MYO18B: variants seen among roughly 807,000 people sequenced by gnomAD.
MYO18B encodes unconventional myosin-XVIIIb.
MYO18B carries 204 observed loss-of-function variants against 273.0 expected under a neutral mutation model. The observed-to-expected ratio is 0.75, with a 90% CI of 0.67 to 0.84. The LOEUF (loss-of-function observed/expected upper bound fraction) is 0.84. Ranked by LOEUF, MYO18B falls within the 40% of genes least tolerant of loss-of-function variation. The pLI is 0.00. For synonymous variants in MYO18B, 1,330 were observed against 1,305.7 expected, an observed-to-expected ratio of 1.02 and a Z score of -0.40; for missense variants, 3,212 against 3,287.6, an observed-to-expected ratio of 0.98 and a Z score of 0.56.
At chr22:26,052,067 A>T in the MYO18B span, among the ~76,000 whole-genome samples, 248 of 152,298 alleles carry the variant, frequency 1.6e-3, no homozygotes, top group Admixed American at 4.2e-3. Context: ...GTTTGAGGTC[A>T]TTTGTGGAAG....
At chr22:26,029,788 C>G (rs901875912) in intron 43 of MYO18B, among the ~76,000 whole-genome samples, 12 of 152,298 alleles carry the variant, frequency 7.9e-5, no homozygotes, top group Admixed American at 7.8e-4. Context: ...TCTCACCAAG[C>G]CCCTGTGTCC....
chr22:25,747,394 G>C (rs981465547), intron 1 of MYO18B, among the ~76,000 whole-genome samples: 3 of 152,164 alleles, frequency 2.0e-5, no homozygotes, highest in African/African-American at 7.2e-5. Context: ...CAACACTCTG[G>C]GCAGCCCCCA....
intron 12 of MYO18B, among the ~76,000 whole-genome samples, chr22:25,814,307 T>C (rs1306597926): frequency 3.6e-5 from 1 of 27,558 alleles, no homozygotes; most frequent in African/African-American, 2.1e-4. Flanking sequence ...TTTTTTTTTT[T>C]TTTTTTTTTT....
chr22:25,843,011 A>G (rs933469886), intron 17 of MYO18B, among the ~76,000 whole-genome samples: 14 of 152,196 alleles, frequency 9.2e-5, no homozygotes, highest in African/African-American at 3.4e-4. Flanking sequence ...TATTTTACAT[A>G]CATTATCTCC....
downstream of MYO18B, among the ~76,000 whole-genome samples, chr22:26,031,920 C>G (rs146490341): frequency 3.0e-4 from 46 of 152,324 alleles, no homozygotes; most frequent in Non-Finnish European, 5.7e-4. Context: ...CTCTGGGTCA[C>G]TGGAGAGTGC....
chr22:25,759,461 T>C lies in MYO18B; in HGVS notation c.-109-1523T>C, dbSNP rs186131697. Among the ~76,000 whole-genome samples the C allele has an allele frequency of 1.0e-3, 156 of 151,536 alleles. 1 individual carries two copies. Among genetic ancestry groups the C allele is most frequent in the African/African-American group, 3.7e-3 (151 of 41,254 alleles). On this transcript the variant is annotated intron_variant, in intron 1 of 43. Transcript: ENST00000335473. The stretch of plus-strand genomic sequence containing the variant: ...CTGCACGTTCTCACTCAAATAGGAG[T>C]TGAACAATGAGAACACATGGACACA...
chr22:26,030,556 C>T lies in MYO18B; in HGVS notation c.*126C>T, dbSNP rs960252612. Reference sequence around the variant, plus strand: ...AGCCAGCATGGCCACCCTCAAGAGGCGAGATGAGCCCACAGAGGCATATCC... The same window carrying T: ...AGCCAGCATGGCCACCCTCAAGAGGTGAGATGAGCCCACAGAGGCATATCC... On this transcript the variant is annotated 3_prime_UTR_variant, in exon 44 of 44. Coordinates refer to ENST00000335473, the MANE Select transcript of MYO18B (RefSeq NM_032608.7). 12 of 186,878 alleles carry T rather than the reference C, an allele frequency of 6.4e-5. No homozygotes were observed. The highest frequency in any genetic ancestry group is 2.5e-4 in the East Asian group (2 of 8,100). The allele number at this position is 186,878 out of a possible 1,614,324, so 11.6% of individuals were successfully genotyped here. A position where few individuals can be genotyped will look rare whatever the true frequency, so the allele number is the denominator to read the frequency against.
chr22:25,987,217 A>AAACAAAC (rs1372900626), intron 39 of MYO18B, among the ~76,000 whole-genome samples: 2 of 152,224 alleles, frequency 1.3e-5, no homozygotes, highest in Non-Finnish European at 2.9e-5. Flanking sequence ...TGGGCAGAGA[A>AAACAAAC]AACAAACAAC....
intron 38 of MYO18B, among the ~76,000 whole-genome samples, chr22:25,952,994 G>A (rs9624938): frequency 0.013 from 1,923 of 152,326 alleles, 38 homozygotes; most frequent in African/African-American, 0.042. Context: ...TATGGAGAGA[G>A]GGCTGTGATG....
chr22:25,845,127 G>A (rs557073946), intron 18 of MYO18B, among the ~76,000 whole-genome samples: 1 of 152,348 alleles, frequency 6.6e-6, no homozygotes, highest in East Asian at 1.9e-4. Flanking sequence ...AGGCTTTGGT[G>A]ACGTAAAGTA....
At chr22:25,999,595 C>T (rs893754354) in intron 40 of MYO18B, among the ~76,000 whole-genome samples, 8 of 124,064 alleles carry the variant, frequency 6.4e-5, no homozygotes, top group Non-Finnish European at 1.2e-4. Context: ...TCCTCTTCCT[C>T]CTTTCTCCTC....
At chr22:25,943,745 G>GT (rs1367793629) in intron 34 of MYO18B, among the ~76,000 whole-genome samples, 2 of 111,984 alleles carry the variant, frequency 1.8e-5, no homozygotes, top group African/African-American at 6.9e-5. Context: ...CTGAGACGGA[G>GT]TTTCGGTCTT....
At chr22:25,876,465 G>A in intron 24 of MYO18B, 133 bp downstream of exon 24, 1 of 957,564 alleles carries the variant, frequency 1.0e-6, no homozygotes, top group Non-Finnish European at 1.5e-6. Context: ...CAGCCTTGAT[G>A]CCCCTTCCAG....
intron 20 of MYO18B, among the ~76,000 whole-genome samples, chr22:25,849,799 G>A (rs2090369859): frequency 6.6e-6 from 1 of 152,204 alleles, no homozygotes; most frequent in African/African-American, 2.4e-5. Flanking sequence ...GGGGCTGGGT[G>A]CGTCAATAAG....
chr22:25,869,391 G>A (rs568251665), intron 22 of MYO18B, among the ~76,000 whole-genome samples: 41 of 148,932 alleles, frequency 2.8e-4, no homozygotes, highest in Admixed American at 2.7e-3. Flanking sequence ...CGAAGGTTGC[G>A]GTGAGCTGAG....
rs1936642858 is a variant in MYO18B, at chr22:26,030,943, C to T, written c.*513C>T. On this transcript the variant is annotated 3_prime_UTR_variant, in exon 44 of 44. Coordinates refer to ENST00000335473, the MANE Select transcript of MYO18B (RefSeq NM_032608.7). ...TATATTCCTTTGCCAATTCATTTCT[C>T]TATCCTGTGTATGTATAAGTGTGTA... The T allele has an allele frequency of 2.5e-6, 1 of 398,430 alleles. No homozygotes were observed. The highest frequency in any genetic ancestry group is 2.1e-5 in the African/African-American group (1 of 48,588). 24.7% of individuals were successfully genotyped at this position (398,430 alleles called of 1,614,324 possible). A position where few individuals can be genotyped will look rare whatever the true frequency, so the allele number is the denominator to read the frequency against.
intron 12 of MYO18B, among the ~76,000 whole-genome samples, chr22:25,808,273 C>T (rs1041831347): frequency 1.3e-4 from 20 of 152,228 alleles, no homozygotes; most frequent in Non-Finnish European, 7.3e-5. Context: ...TTAAAATCCT[C>T]TCCAAGTTTT....
At chr22:25,986,575 A>C (rs973046148) in intron 39 of MYO18B, among the ~76,000 whole-genome samples, 2 of 152,228 alleles carry the variant, frequency 1.3e-5, no homozygotes, top group Admixed American at 6.5e-5. Flanking sequence ...AATGTATCTA[A>C]ATATATTCAC....
chr22:26,026,445 G>C lies in MYO18B; in HGVS notation c.6471G>C (p.Arg2157Ser). The stretch of plus-strand genomic sequence containing the variant: ...GACTGCATTTTTCTTCTTGGCACAG[G>C]ATAAACGAAGAGGCTGGGGACACTG... ...SATSSRILSP[R>S]INEEAGDTER... Residue 2157 changes from arginine to serine, a missense_variant and splice_region_variant, in exon 43 of 44, where the codon AGG becomes AGC. Physicochemically the swap from Arg to Ser is moderately radical, Grantham distance 110. Transcript: ENST00000335473. 1 of 1,604,418 alleles carries C rather than the reference G, an allele frequency of 6.2e-7. No individual in the cohort carries two copies. The highest frequency in any genetic ancestry group is 8.5e-7 in the Non-Finnish European group (1 of 1,174,694).
Sources: allele counts gnomAD v4.1 joint callset (sites outside exome capture counted in the v4.1 genomes callset), GRCh38; gene constraint gnomAD v4.1.1; transcripts MANE v1.5; gene names NCBI Gene and HGNC (gene_info 2026-07-23, HGNC 2026-07-21).